Variants in WWTR1 observed in about 807,000 individuals in gnomAD.
The protein encoded by WWTR1 is WW domain-containing transcription regulator protein 1.
WWTR1 carries 13 observed loss-of-function variants against 40.1 expected under a neutral mutation model. The observed-to-expected ratio is 0.32, with a 90% CI of 0.21 to 0.52. The LOEUF (loss-of-function observed/expected upper bound fraction) is 0.52, where lower values mean the gene tolerates loss of function less well. Ranked by LOEUF, WWTR1 falls within the 20% of genes least tolerant of loss-of-function variation. The pLI, the probability that WWTR1 is intolerant of heterozygous loss-of-function variation, is 0.97. For synonymous variants in WWTR1, 230 were observed against 210.1 expected, an observed-to-expected ratio of 1.09 and a Z score of -0.82; for missense variants, 436 against 523.1, an observed-to-expected ratio of 0.83 and a Z score of 1.63.
intron 2 of WWTR1, among the ~76,000 whole-genome samples, chr3:149,628,737 T>TTTA (rs1553801366): frequency 2.1e-5 from 3 of 144,650 alleles, no homozygotes; most frequent in African/African-American, 7.8e-5. Context: ...CTTTTTATTT[T>TTTA]TTTTATTTTA....
chr3:149,591,811 G>A (rs542031096), intron 2 of WWTR1, among the ~76,000 whole-genome samples: 1 of 152,206 alleles, frequency 6.6e-6, no homozygotes, highest in South Asian at 2.1e-4. Flanking sequence ...ACTCAGACCC[G>A]TAATAAATAT....
Position 149,595,018 on chromosome 3 carries a change from G to A in WWTR1, c.432-22018C>T, listed in dbSNP as rs35285698. ...CGCTCTGTTGCCAGGCTGGAGTGCAGTGGCGCGATCTTGGCTCACTGCAAC... is the reference window on the plus strand; with the variant it reads ...CGCTCTGTTGCCAGGCTGGAGTGCAATGGCGCGATCTTGGCTCACTGCAAC... On this transcript the variant is annotated intron_variant, in intron 2 of 6. Transcript: ENST00000360632. Among the ~76,000 whole-genome samples, 16 of 124,686 alleles carry A rather than the reference G, an allele frequency of 1.3e-4. No homozygotes were observed. The East Asian group carries it at 3.8e-3, about 29-fold the overall frequency. The allele number at this position is 124,686 out of a possible 152,430, so 81.8% of individuals were successfully genotyped here.
intron 5 of WWTR1, among the ~76,000 whole-genome samples, chr3:149,709,037 C>T (rs1046463440): frequency 1.4e-4 from 21 of 152,014 alleles, no homozygotes; most frequent in Non-Finnish European, 7.4e-5. Context: ...GACACGGTCT[C>T]GCTCTGCCAC....
At chr3:149,524,507 A>G (rs756679679) in intron 6 of WWTR1, among the ~76,000 whole-genome samples, 9 of 152,018 alleles carry the variant, frequency 5.9e-5, no homozygotes, top group Non-Finnish European at 1.0e-4. Context: ...TAAATCTCAC[A>G]CTCAAAAAGC....
intron 4 of WWTR1, chr3:149,540,112 A>ACACACACT (rs1394831181): frequency 2.3e-6 from 1 of 442,672 alleles, no homozygotes; most frequent in African/African-American, 2.0e-5. Context: ...ACACACACAC[A>ACACACACT]CACACACACA....
intron 2 of WWTR1, among the ~76,000 whole-genome samples, chr3:149,637,465 A>G (rs1711896213): frequency 6.6e-6 from 1 of 151,918 alleles, no homozygotes; most frequent in Non-Finnish European, 1.5e-5. Context: ...TCCTAACCTC[A>G]GGTAATCCAC....
At chr3:149,717,118 G>A (rs1007716959) in intron 5 of WWTR1, among the ~76,000 whole-genome samples, 3 of 152,166 alleles carry the variant, frequency 2.0e-5, no homozygotes, top group African/African-American at 7.2e-5. Context: ...AGCGAGCTGA[G>A]ATTGTGCGAC....
At chr3:149,657,706 G>A (rs935742666) in intron 1 of WWTR1, 59 bp downstream of exon 1, 6 of 187,946 alleles carry the variant, frequency 3.2e-5, no homozygotes, top group Non-Finnish European at 5.5e-5. Context: ...CCGGAAGCCC[G>A]AGGAGCCTGG....
In WWTR1 at chr3:149,574,196, C is replaced by A. The variant is rs144951791; in HGVS notation, c.432-1196G>T. On this transcript the variant is annotated intron_variant, in intron 2 of 6. Transcript: ENST00000360632. ...CAGGCACCTGCGACCACACCTGGCTCATTTTTTTTAAAAAATTTTTTTTGT... is the reference window on the plus strand; with the variant it reads ...CAGGCACCTGCGACCACACCTGGCTAATTTTTTTTAAAAAATTTTTTTTGT... Among the ~76,000 whole-genome samples, 1,159 of 152,058 alleles carry A rather than the reference C, an allele frequency of 7.6e-3. 13 individuals carry two copies. The highest frequency in any genetic ancestry group is 0.027 in the African/African-American group (1,106 of 41,470).
chr3:149,540,937 G>T (rs1193037245), intron 4 of WWTR1: 7 of 438,970 alleles, frequency 1.6e-5, no homozygotes, highest in East Asian at 1.4e-4. Flanking sequence ...TATTTGATGA[G>T]AAATACATTA....
intron 1 of WWTR1, among the ~76,000 whole-genome samples, chr3:149,674,385 G>A (rs1384490859): frequency 4.6e-5 from 7 of 151,786 alleles, no homozygotes; most frequent in African/African-American, 1.5e-4. Context: ...TCCGGAGTTC[G>A]AGACCAGCCT....
intron 1 of WWTR1, among the ~76,000 whole-genome samples, chr3:149,687,723 G>A (rs1714699394): frequency 6.6e-6 from 1 of 152,132 alleles, no homozygotes; most frequent in Non-Finnish European, 1.5e-5. Flanking sequence ...GAAAGGAGAG[G>A]GAAAAGTAAA....
chr3:149,676,359 AG>A (rs1177498534), intron 1 of WWTR1, among the ~76,000 whole-genome samples: 9 of 152,222 alleles, frequency 5.9e-5, no homozygotes, highest in Non-Finnish European at 1.3e-4. Context: ...CTGGTTTTAA[AG>A]GGGAGTCCTC....
intron 4 of WWTR1, among the ~76,000 whole-genome samples, chr3:149,529,114 T>C (rs1056410920): frequency 6.6e-6 from 1 of 152,240 alleles, no homozygotes; most frequent in Admixed American, 6.5e-5. Flanking sequence ...TGTTTACATT[T>C]GCATCCCAAA....
chr3:149,651,992 ATTTTTT>A (rs368845286), intron 2 of WWTR1, among the ~76,000 whole-genome samples: 245 of 93,704 alleles, frequency 2.6e-3, no homozygotes, highest in African/African-American at 7.6e-3. Flanking sequence ...CGCCCGGCTA[ATTTTTT>A]TTTTTTTTTT....
At chr3:149,635,388 T>C (rs930429469) in intron 2 of WWTR1, among the ~76,000 whole-genome samples, 1 of 152,124 alleles carries the variant, frequency 6.6e-6, no homozygotes, top group Non-Finnish European at 1.5e-5. Context: ...GTAAATAAAC[T>C]GTGTATAGCC....
At chr3:149,531,101 A>T (rs987051137) in intron 4 of WWTR1, among the ~76,000 whole-genome samples, 16 of 152,060 alleles carry the variant, frequency 1.1e-4, no homozygotes, top group African/African-American at 3.9e-4. Flanking sequence ...CGCCCAGCTA[A>T]TTTTTGTATT....
At chr3:149,629,122 G>GA (rs1466900542) in intron 2 of WWTR1, among the ~76,000 whole-genome samples, 3 of 152,116 alleles carry the variant, frequency 2.0e-5, no homozygotes, top group Non-Finnish European at 2.9e-5. Context: ...AAGGTTCAGA[G>GA]AAAAAACATT....
intron 2 of WWTR1, among the ~76,000 whole-genome samples, chr3:149,667,669 G>C (rs932925862): frequency 5.3e-5 from 8 of 152,284 alleles, no homozygotes; most frequent in Admixed American, 5.2e-4. Context: ...CTCTGGTTGA[G>C]TCCTTCTAGA....
Sources: gnomAD v4.1 joint callset for allele counts (sites outside exome capture counted in the v4.1 genomes callset) on GRCh38, gnomAD v4.1.1 for gene constraint, MANE v1.5 for transcripts, NCBI Gene and HGNC (gene_info 2026-07-23, HGNC 2026-07-21) for gene names.